Variants in CMTM8 observed in about 807,000 individuals in gnomAD.
The protein encoded by CMTM8 is CKLF like MARVEL transmembrane domain containing 8, also known as CKLF-like MARVEL transmembrane domain-containing protein 8.
CMTM8 carries 12 observed loss-of-function variants against 18.6 expected under a neutral mutation model. The ratio of observed to expected loss-of-function variants is 0.65; its 90% confidence interval spans 0.41 to 1.05. The LOEUF (loss-of-function observed/expected upper bound fraction) is 1.05. CMTM8 is among the 50% of genes least tolerant of loss of function. CMTM8 has a pLI of 0.00. For synonymous variants in CMTM8, 87 were observed against 90.6 expected (o/e 0.96, Z 0.23); for missense variants, 217 against 227.2 (o/e 0.95, Z 0.29).
intron 1 of CMTM8, among the ~76,000 whole-genome samples, chr3:32,301,645 C>T (rs1340677715): frequency 1.3e-5 from 2 of 151,302 alleles, no homozygotes; most frequent in East Asian, 3.9e-4. Flanking sequence ...GCATCGGTGA[C>T]ATTGCACTGG....
chr3:32,263,982 C>T (rs1263373902), intron 1 of CMTM8, among the ~76,000 whole-genome samples: 2 of 152,166 alleles, frequency 1.3e-5, no homozygotes, highest in South Asian at 2.1e-4. Context: ...GATTGGTGTA[C>T]CTGAAAGTGA....
chr3:32,283,689 C>T (rs768606794), intron 1 of CMTM8, among the ~76,000 whole-genome samples: 2 of 152,108 alleles, frequency 1.3e-5, no homozygotes, highest in African/African-American at 2.4e-5. Context: ...TTTTTACATG[C>T]ACACATACAT....
intron 1 of CMTM8, among the ~76,000 whole-genome samples, chr3:32,308,286 T>C (rs529676754): frequency 2.0e-5 from 3 of 152,322 alleles, no homozygotes; most frequent in African/African-American, 7.2e-5. Flanking sequence ...GGGATGCTAG[T>C]GATATATTGT....
intron 1 of CMTM8, among the ~76,000 whole-genome samples, chr3:32,251,559 C>A (rs1195416981): frequency 6.6e-6 from 1 of 152,068 alleles, no homozygotes; most frequent in Non-Finnish European, 1.5e-5. Flanking sequence ...AGCAGTCCAC[C>A]TGCCTCAGCC....
chr3:32,346,624 C>G (rs1008628817), intron 1 of CMTM8, among the ~76,000 whole-genome samples: 15 of 151,756 alleles, frequency 9.9e-5, no homozygotes, highest in African/African-American at 2.9e-4. Flanking sequence ...CTTGGTGTCC[C>G]TTTTTATAAG....
At chr3:32,342,674 G>T (rs1287967854) in intron 1 of CMTM8, among the ~76,000 whole-genome samples, 1 of 152,198 alleles carries the variant, frequency 6.6e-6, no homozygotes, top group Non-Finnish European at 1.5e-5. Flanking sequence ...CATGCAGGGA[G>T]CTGGAAGTAG....
At chr3:32,319,283 T>G (rs1695999049) in intron 1 of CMTM8, among the ~76,000 whole-genome samples, 1 of 151,124 alleles carries the variant, frequency 6.6e-6, no homozygotes, top group Non-Finnish European at 1.5e-5. Context: ...TTCACCATAT[T>G]GGCCAGGCTG....
chr3:32,340,540 T>A (rs1420164158), intron 1 of CMTM8, among the ~76,000 whole-genome samples: 1 of 152,232 alleles, frequency 6.6e-6, no homozygotes, highest in African/African-American at 2.4e-5. Flanking sequence ...AGTACACATA[T>A]ATGTGCATGT....
At chr3:32,240,477 A>C (rs991276531) in intron 1 of CMTM8, among the ~76,000 whole-genome samples, 2 of 152,256 alleles carry the variant, frequency 1.3e-5, no homozygotes, top group African/African-American at 4.8e-5. Context: ...AACAAAAGCT[A>C]AAATGACAGA....
rs1553607213 is a variant in CMTM8, at chr3:32,347,297, G to GTTTTTTTTGTTTT, written c.148-10068_148-10067insGTTTTTTTTTTTT. 8.1e-5 allele frequency among the ~76,000 whole-genome samples: 11 copies of GTTTTTTTTGTTTT among 136,546 alleles called. No individual in the cohort carries two copies. In the East Asian group the frequency reaches 9.2e-4, roughly 11 times the overall value. The allele number at this position is 136,546 out of a possible 152,430, so 89.6% of individuals were successfully genotyped here. The stretch of plus-strand genomic sequence containing the variant: ...TTGGTTTTTGGTTTTTTTTGCTTAG[G>GTTTTTTTTGTTTT]TTTTTTTTTTTTGGCGTTAGTTCTC... On this transcript the variant is annotated intron_variant, in intron 1 of 3. Coordinates refer to ENST00000307526, the MANE Select transcript of CMTM8 (RefSeq NM_178868.5).
intron 1 of CMTM8, among the ~76,000 whole-genome samples, chr3:32,331,919 T>C (rs1318019628): frequency 6.6e-6 from 1 of 152,156 alleles, no homozygotes; most frequent in Non-Finnish European, 1.5e-5. Context: ...GCATCTACAG[T>C]TTCACTTTTA....
chr3:32,253,703 T>C (rs1702142955), intron 1 of CMTM8, among the ~76,000 whole-genome samples: 1 of 152,034 alleles, frequency 6.6e-6, no homozygotes. Context: ...CATGCATTTC[T>C]CCAATTTCTT....
At chr3:32,239,165 C>T (rs764739027) in intron 1 of CMTM8, 46 bp downstream of exon 1, 1 of 1,547,750 alleles carries the variant, frequency 6.5e-7, no homozygotes, top group Non-Finnish European at 8.7e-7. Flanking sequence ...AGCTGGACCC[C>T]GGCGCGTGCT....
intron 1 of CMTM8, among the ~76,000 whole-genome samples, chr3:32,264,947 A>G (rs973358216): frequency 6.6e-6 from 1 of 152,250 alleles, no homozygotes; most frequent in Non-Finnish European, 1.5e-5. Context: ...ACCCAGATTC[A>G]TAAAGCAAGT....
rs532753374 is a variant in CMTM8, at chr3:32,312,283, G to A, written c.148-45090G>A. Among the ~76,000 whole-genome samples the A allele has an allele frequency of 1.4e-3, 217 of 152,192 alleles. 2 individuals carry two copies. The highest frequency in any genetic ancestry group is 5.1e-3 in the Admixed American group (78 of 15,290). Reference sequence around the variant, plus strand: ...AGGCTTGATAATTTAAAGGGGGCCCGCATCCCTCAGATAAAAAGTTTCTTT... The same window carrying A: ...AGGCTTGATAATTTAAAGGGGGCCCACATCCCTCAGATAAAAAGTTTCTTT... On this transcript the variant is annotated intron_variant, in intron 1 of 3. Coordinates refer to ENST00000307526, the MANE Select transcript of CMTM8 (RefSeq NM_178868.5).
intron 1 of CMTM8, among the ~76,000 whole-genome samples, chr3:32,319,748 G>A (rs1021093029): frequency 3.3e-5 from 5 of 152,182 alleles, no homozygotes; most frequent in Non-Finnish European, 7.3e-5. Context: ...AAGGTAAAAG[G>A]CAGCAAAATA....
upstream of CMTM8, chr3:32,238,225 AG>A (rs1350806891): frequency 2.0e-5 from 3 of 152,406 alleles, no homozygotes; most frequent in Non-Finnish European, 1.5e-5. Flanking sequence ...CTCGGGTCTA[AG>A]GTCCGGCCGG....
At chr3:32,244,654 T>C (rs770032386) in intron 1 of CMTM8, among the ~76,000 whole-genome samples, 2 of 152,238 alleles carry the variant, frequency 1.3e-5, no homozygotes, top group Non-Finnish European at 2.9e-5. Context: ...CTTGGACCTT[T>C]TGAATTATTA....
At chr3:32,291,124 G>A (rs1177090337) in intron 1 of CMTM8, among the ~76,000 whole-genome samples, 1 of 151,652 alleles carries the variant, frequency 6.6e-6, no homozygotes, top group African/African-American at 2.4e-5. Context: ...AGTTTGAGTA[G>A]AGAAGAAATT....
Sources: allele counts gnomAD v4.1 joint callset (sites outside exome capture counted in the v4.1 genomes callset), GRCh38; gene constraint gnomAD v4.1.1; transcripts MANE v1.5; gene names NCBI Gene and HGNC (gene_info 2026-07-23, HGNC 2026-07-21).